VWA5A: variants seen among roughly 807,000 people sequenced by gnomAD.
The protein encoded by VWA5A is von Willebrand factor A domain-containing protein 5A.
In VWA5A, 77 loss-of-function variants were observed where a neutral mutation model predicts 84.6. The ratio of observed to expected loss-of-function variants is 0.91; its 90% CI spans 0.76 to 1.10. The LOEUF (loss-of-function observed/expected upper bound fraction) is 1.10. VWA5A is among the 50% of genes least tolerant of loss of function. VWA5A has a pLI of 0.00. For missense variants in VWA5A, 973 were observed against 963.0 expected (o/e 1.01, Z -0.14); for synonymous variants, 334 against 350.1 (o/e 0.95, Z 0.51).
intron 15 of VWA5A, among the ~76,000 whole-genome samples, chr11:124,138,462 CT>C (rs145667632): frequency 0.01 from 1,542 of 152,174 alleles, 31 homozygotes; most frequent in African/African-American, 0.035. Context: ...TATCTTTTGT[CT>C]TTTTGATGAT....
intron 11 of VWA5A, among the ~76,000 whole-genome samples, chr11:124,125,349 C>T (rs1470966880): frequency 1.3e-5 from 2 of 151,218 alleles, no homozygotes; most frequent in East Asian, 2.0e-4. Flanking sequence ...GTGGCGCTAT[C>T]TCGGCTCCCT....
intron 11 of VWA5A, among the ~76,000 whole-genome samples, chr11:124,125,307 G>A (rs1342811773): frequency 6.6e-6 from 1 of 150,966 alleles, no homozygotes; most frequent in East Asian, 2.0e-4. Context: ...TCTTGAGATG[G>A]AGTCTCGCTC....
At chr11:124,144,938 A>G (rs1860792059) in intron 17 of VWA5A, among the ~76,000 whole-genome samples, 1 of 152,180 alleles carries the variant, frequency 6.6e-6, no homozygotes, top group African/African-American at 2.4e-5. Flanking sequence ...TAAACTATAA[A>G]GCAGTTTTGC....
intron 11 of VWA5A, among the ~76,000 whole-genome samples, chr11:124,129,710 T>TG (rs1282487929): frequency 1.3e-5 from 2 of 151,600 alleles, no homozygotes; most frequent in African/African-American, 2.4e-5. Context: ...AGTCTTGGGG[T>TG]GGGGGGTGTA....
chr11:124,118,264 G>A lies in VWA5A; in HGVS notation c.322G>A (p.Asp108Asn), dbSNP rs1399894787. 4 of 1,614,190 alleles carry A rather than the reference G, an allele frequency of 2.5e-6. No homozygotes were observed. Among genetic ancestry groups the A allele is most frequent in the African/African-American group, 2.7e-5 (2 of 75,050 alleles). The change falls in exon 5 of 19, where the codon GAT becomes AAT. Residue 108 changes from aspartate (D) to asparagine (N), a missense_variant. Transcript: ENST00000456829. ...FLLEGDSSSRDVFSCNVGNLQ... is the reference protein window; with the variant it reads ...FLLEGDSSSRNVFSCNVGNLQ... ...ATTGGAGGGGGACAGCAGCTCCAGG[G>A]ATGTCTTCTCTTGCAATGTGGGTAA...
chr11:124,145,666 T>C (rs980678082), intron 18 of VWA5A, among the ~76,000 whole-genome samples, 200 bp from the exon 19 acceptor site: 1 of 152,192 alleles, frequency 6.6e-6, no homozygotes. Context: ...GTGCGTGTTC[T>C]CCTGGCTGTT....
At position 124,124,144 on chromosome 11, in the gene VWA5A, T is replaced by G. The variant is rs866939943; in HGVS notation, c.1165-93T>G. 141 of 1,214,842 alleles carry G rather than the reference T, an allele frequency of 1.2e-4. No homozygotes were observed. In the African/African-American group the frequency reaches 1.9e-3, roughly 17 times the overall value. The allele number at this position is 1,214,842 out of a possible 1,614,324, so 75.3% of individuals were successfully genotyped here. A position where few individuals can be genotyped will look rare whatever the true frequency, so the allele number is the denominator to read the frequency against. ...CTCTTTGAAGAGGCACCAGAGCCTC[T>G]GCAATGAAATAGGTGGATTTTTCAA... On this transcript the variant is annotated intron_variant, in intron 10 of 18. Transcript: ENST00000456829.
chr11:124,134,288 G>T (rs943411477), intron 11 of VWA5A, among the ~76,000 whole-genome samples: 2 of 152,166 alleles, frequency 1.3e-5, no homozygotes, highest in South Asian at 4.1e-4. Context: ...AACCAAAATT[G>T]CAGGGTATTA....
rs749106580 is a variant in VWA5A, at chr11:124,145,308, G to T, written c.2226G>T (p.Lys742Asn). The change falls in exon 18 of 19, where the codon AAG becomes AAT. Residue 742 changes from lysine (K) to asparagine (N), a missense_variant. Lys to Asn is a moderately conservative substitution (Grantham distance 94, BLOSUM62 0). Transcript: ENST00000456829. ...IWLHSNGKDLKCEWELLERKA... is the reference protein window; with the variant it reads ...IWLHSNGKDLNCEWELLERKA... ...TGCACAGCAATGGTAAGGACTTGAA[G>T]TGTGAATGGGAGCTTCTGGAAAGGA... The T allele has an allele frequency of 1.9e-6, 3 of 1,613,886 alleles. No homozygotes were observed. Among genetic ancestry groups the T allele is most frequent in the Admixed American group, 3.3e-5 (2 of 60,008 alleles).
chr11:124,122,561 T>G (rs2137633349), intron 7 of VWA5A, among the ~76,000 whole-genome samples: 1 of 152,396 alleles, frequency 6.6e-6, no homozygotes, highest in South Asian at 2.1e-4. Context: ...AAGGCCCATG[T>G]GATACATTTC....
chr11:124,145,167 G>T, intron 17 of VWA5A, 70 bp from the exon 18 acceptor site: 1 of 1,529,788 alleles, frequency 6.5e-7, no homozygotes, highest in South Asian at 1.3e-5. Flanking sequence ...TAAGTGAGGA[G>T]GGAGTGAAGC....
At chr11:124,135,109 G>T in intron 12 of VWA5A, 75 bp downstream of exon 12, 1 of 1,283,062 alleles carries the variant, frequency 7.8e-7, no homozygotes, top group South Asian at 1.4e-5. Context: ...GGAACACTGT[G>T]TAAGGGCAGG....
chr11:124,123,780 C>T lies in VWA5A; in HGVS notation c.1140C>T (p.Pro380=). Residue 380 remains proline, a synonymous_variant, in exon 10 of 19, where the codon CCC becomes CCT. Transcript: ENST00000456829. ...LAPLQNIYRG[P]SIPGHPLQLF... is the part of the protein sequence containing the mutation. ...CACTCCAGAACATTTACAGGGGACC[C>T]TCCATCCCAGGCCACCCCCTACAGG... is the stretch of plus-strand genomic sequence containing the variant. 1 of 1,590,896 alleles carries T rather than the reference C, an allele frequency of 6.3e-7. No individual in the cohort carries two copies. Among genetic ancestry groups the T allele is most frequent in the Non-Finnish European group, 8.5e-7 (1 of 1,170,996 alleles).
At chr11:124,127,404 T>C (rs1335237640) in intron 11 of VWA5A, among the ~76,000 whole-genome samples, 1 of 152,228 alleles carries the variant, frequency 6.6e-6, no homozygotes, top group Admixed American at 6.5e-5. Flanking sequence ...ATTTTCTTTA[T>C]CCAGTCTATC....
chr11:124,128,804 A>T (rs925249663), intron 11 of VWA5A, among the ~76,000 whole-genome samples: 4 of 152,154 alleles, frequency 2.6e-5, no homozygotes, highest in Admixed American at 2.6e-4. Flanking sequence ...GTGTATAGGA[A>T]TGTTTGTATT....
intron 14 of VWA5A, 86 bp downstream of exon 14, chr11:124,136,760 C>G (rs1860601035): frequency 1.5e-6 from 1 of 685,336 alleles, no homozygotes; most frequent in Admixed American, 2.4e-5. Context: ...TTCCCTCCCT[C>G]CCTCCCTCCC....
chr11:124,141,549 A>T (rs1565291361), intron 15 of VWA5A, 49 bp from the exon 16 acceptor site: 13 of 1,604,794 alleles, frequency 8.1e-6, no homozygotes, highest in Middle Eastern at 1.8e-4. Context: ...TCCTTTGCCC[A>T]CTGCAGAGAG....
chr11:124,134,829 ATTTCC>A, intron 11 of VWA5A, 86 bp from the exon 12 acceptor site: 1 of 845,096 alleles, frequency 1.2e-6, no homozygotes, highest in Admixed American at 2.6e-5. Context: ...AAAGTAGACT[ATTTCC>A]TTATGTATTT....
At chr11:124,130,886 G>C (rs562466599) in intron 11 of VWA5A, among the ~76,000 whole-genome samples, 1 of 152,184 alleles carries the variant, frequency 6.6e-6, no homozygotes, top group East Asian at 1.9e-4. Context: ...ATTTTCAACA[G>C]ACAGAACTGG....
Sources: gnomAD v4.1 joint callset for allele counts (sites outside exome capture counted in the v4.1 genomes callset) on GRCh38, gnomAD v4.1.1 for gene constraint, MANE v1.5 for transcripts, NCBI Gene and HGNC (gene_info 2026-07-23, HGNC 2026-07-21) for gene names.